The following MAST4 variants were observed in gnomAD, a reference collection of about 807,000 sequenced individuals.
The protein encoded by MAST4 is microtubule-associated serine/threonine-protein kinase 4.
MAST4 carries 89 observed loss-of-function variants against 162.7 expected under a neutral mutation model. The ratio of observed to expected loss-of-function variants is 0.55; its 90% CI spans 0.46 to 0.65. The LOEUF (loss-of-function observed/expected upper bound fraction) is 0.65, where lower values mean the gene tolerates loss of function less well. MAST4 is among the 30% of genes least tolerant of loss of function. MAST4 has a pLI of 0.00. For missense variants in MAST4, 3,153 were observed against 3,374.0 expected, an observed-to-expected ratio of 0.93 and a Z score of 1.62; for synonymous variants, 1,479 against 1,361.1, an observed-to-expected ratio of 1.09 and a Z score of -1.91.
At position 66,986,056 on chromosome 5, in the gene MAST4, A is replaced by G. The variant is rs555150050; in HGVS notation, c.675-68348A>G. ...GACCCATGACCTTCCCTCAAGGAAA[A>G]CAGACAAAAACAGCTGTAATATAAT... is the stretch of plus-strand genomic sequence containing the variant. On this transcript the variant is annotated intron_variant, in intron 4 of 28. Transcript: ENST00000403625. Among the ~76,000 whole-genome samples the G allele has an allele frequency of 1.2e-4, 19 of 152,340 alleles. No homozygotes were observed. In the East Asian group the frequency reaches 1.9e-3, roughly 15 times the overall value.
At chr5:67,145,803 T>G (rs1309549050) in intron 23 of MAST4, among the ~76,000 whole-genome samples, 2 of 152,214 alleles carry the variant, frequency 1.3e-5, no homozygotes, top group Non-Finnish European at 2.9e-5. Flanking sequence ...CTTGAAGATG[T>G]CTTGAATCAC....
chr5:66,791,149 G>A (rs541280467), intron 3 of MAST4, among the ~76,000 whole-genome samples: 17 of 152,242 alleles, frequency 1.1e-4, no homozygotes, highest in Non-Finnish European at 8.8e-5. Flanking sequence ...TCAGCCTCCC[G>A]AGTAGCTGGG....
At chr5:67,034,432 A>G (rs899715730) in intron 4 of MAST4, among the ~76,000 whole-genome samples, 1 of 152,124 alleles carries the variant, frequency 6.6e-6, no homozygotes, top group East Asian at 1.9e-4. Flanking sequence ...AACCCACAAC[A>G]TCCCTTCATT....
chr5:66,637,678 G>C (rs1230308277), intron 1 of MAST4, among the ~76,000 whole-genome samples: 1 of 152,022 alleles, frequency 6.6e-6, no homozygotes, highest in African/African-American at 2.4e-5. Flanking sequence ...TTCTGTTACA[G>C]ATAGAAAGTT....
Position 67,168,137 on chromosome 5 carries a change from A to G in MAST4, c.*1086A>G, listed in dbSNP as rs1774254457. 1 of 152,200 alleles carries G rather than the reference A, an allele frequency of 6.6e-6. No homozygotes were observed. The highest frequency in any genetic ancestry group is 2.4e-5 in the African/African-American group (1 of 41,452). 9.4% of individuals were successfully genotyped at this position (152,200 alleles called of 1,614,324 possible). A position where few individuals can be genotyped will look rare whatever the true frequency, so the allele number is the denominator to read the frequency against. On this transcript the variant is annotated 3_prime_UTR_variant, in exon 29 of 29. Transcript: ENST00000403625. The stretch of plus-strand genomic sequence containing the variant: ...TAAATTTGCTTTTTTGAGGAAAAGA[A>G]CTGGGGGTGGATTTTGGCATCGTAG...
Position 67,142,439 on chromosome 5 carries a change from A to C in MAST4, c.2636A>C (p.His879Pro). 1 of 1,599,702 alleles carries C rather than the reference A, an allele frequency of 6.3e-7. No individual in the cohort carries two copies. Among genetic ancestry groups the C allele is most frequent in the Non-Finnish European group, 8.5e-7 (1 of 1,172,510 alleles). The part of the protein sequence containing the change: ...SYFDTRSEKY[H>P]HMETEEEDDT... The stretch of plus-strand genomic sequence containing the variant: ...ACTGCAGCTCGGTCTGAGAAGTATC[A>C]TCATATGGAAACGGAGGAAGAAGAT... The change falls in exon 21 of 29, where the codon CAT becomes CCT. Residue 879 changes from histidine (H) to proline (P), a missense_variant. Around this residue, in one of 7 missense-constraint regions of MAST4, gnomAD observed 619 missense variants for 744.2 expected, o/e 0.83. Transcript: ENST00000403625.
At chr5:67,008,085 T>C (rs1752252123) in intron 4 of MAST4, among the ~76,000 whole-genome samples, 2 of 152,230 alleles carry the variant, frequency 1.3e-5, no homozygotes. Flanking sequence ...ACATGTTCCA[T>C]TGGAAATAGT....
At position 67,002,663 on chromosome 5, in the gene MAST4, GAAAGGGCTT is replaced by G. The variant is rs1401920596; in HGVS notation, c.675-51739_675-51731del. Among the ~76,000 whole-genome samples the G allele has an allele frequency of 2.0e-5, 3 of 152,280 alleles. No individual in the cohort carries two copies. The East Asian group carries it at 5.8e-4, about 29-fold the overall frequency. On this transcript the variant is annotated intron_variant, in intron 4 of 28. Coordinates refer to ENST00000403625, the MANE Select transcript of MAST4 (RefSeq NM_001164664.2). ...CGCAGTGTGTGTGTAGACATTGCGT[GAAAGGGCTT>G]ATGTATGCCATCTCCTCTTCATTTA...
chr5:66,635,970 TTTTTTC>T (rs1745088831), intron 1 of MAST4, among the ~76,000 whole-genome samples: 5 of 136,328 alleles, frequency 3.7e-5, no homozygotes, highest in African/African-American at 1.5e-4. Flanking sequence ...TTTTTTTTTT[TTTTTTC>T]GAGACAGAGT....
intron 4 of MAST4, among the ~76,000 whole-genome samples, chr5:67,005,658 T>A (rs1357223431): frequency 6.6e-6 from 1 of 152,222 alleles, no homozygotes; most frequent in African/African-American, 2.4e-5. Context: ...GTAACGTATA[T>A]TTGATAGAAA....
rs367941542 is a variant in MAST4, at chr5:67,163,851, G to A, written c.4672G>A (p.Gly1558Arg). The change falls in exon 29 of 29, where the codon GGG becomes AGG. Residue 1558 changes from glycine to arginine, a missense_variant. Around this residue, in one of 7 missense-constraint regions of MAST4, gnomAD observed 1,644 missense variants for 1,495.0 expected, o/e 1.10. Transcript: ENST00000403625. This position sits in a 1 kb window ranked among gnomAD's most constrained non-coding sequence, Gnocchi z 7.0. ...ATCCCACCAGAAATCCCATGGACCC[G>A]GGAGTGATTTGGAAAACTTTGCTCT... ...QESHQKSHGP[G>R]SDLENFALFK... 1.6e-4 allele frequency: 251 copies of A among 1,613,686 alleles called. No homozygotes were observed. Among genetic ancestry groups the A allele is most frequent in the Non-Finnish European group, 2.0e-4 (236 of 1,179,814 alleles).
At chr5:67,123,163 C>T (rs1455130916) in intron 14 of MAST4, among the ~76,000 whole-genome samples, 1 of 152,146 alleles carries the variant, frequency 6.6e-6, no homozygotes, top group Non-Finnish European at 1.5e-5. Context: ...CTTAGGTATC[C>T]ATGTACAGGG....
At chr5:66,619,211 C>T (rs760850336) in intron 1 of MAST4, among the ~76,000 whole-genome samples, 21 of 151,982 alleles carry the variant, frequency 1.4e-4, no homozygotes, top group Non-Finnish European at 2.4e-4. Context: ...GGGGACTTGA[C>T]GGGATGTTTG....
intron 3 of MAST4, among the ~76,000 whole-genome samples, chr5:66,847,371 G>A (rs547022429): frequency 5.3e-5 from 8 of 152,266 alleles, no homozygotes; most frequent in South Asian, 2.1e-4. Flanking sequence ...GGTGGCTCAC[G>A]TCTGTAATCC....
chr5:66,760,077 C>CAATT (rs58766667), intron 2 of MAST4, among the ~76,000 whole-genome samples: 65,309 of 147,058 alleles, frequency 0.44, 15,493 homozygotes, highest in Non-Finnish European at 0.5. Flanking sequence ...ACAATATCCC[C>CAATT]TATTTATTTA....
At chr5:67,071,724 C>T (rs1011444207) in intron 5 of MAST4, among the ~76,000 whole-genome samples, 7 of 152,158 alleles carry the variant, frequency 4.6e-5, no homozygotes, top group Admixed American at 6.5e-5. Flanking sequence ...CGTGCTGCTG[C>T]GCTCCAGCCT....
chr5:66,948,025 G>C (rs1744236913), intron 4 of MAST4, among the ~76,000 whole-genome samples: 1 of 152,130 alleles, frequency 6.6e-6, no homozygotes, highest in Non-Finnish European at 1.5e-5. Context: ...AAAGTGGACT[G>C]TCTCTCTTAT....
chr5:66,711,203 T>C (rs1750477746), intron 1 of MAST4, among the ~76,000 whole-genome samples: 1 of 152,238 alleles, frequency 6.6e-6, no homozygotes, highest in African/African-American at 2.4e-5. Flanking sequence ...GTTATGCCAT[T>C]CTATTATTAT....
chr5:66,858,557 C>T (rs961323862), intron 3 of MAST4, among the ~76,000 whole-genome samples: 1 of 152,164 alleles, frequency 6.6e-6, no homozygotes, highest in Non-Finnish European at 1.5e-5. Context: ...GTGAATCCCA[C>T]ATGATTTAAC....
Sources: allele counts gnomAD v4.1 joint callset (sites outside exome capture counted in the v4.1 genomes callset), GRCh38; gene constraint gnomAD v4.1.1; regional missense constraint gnomAD v4.1.1; non-coding constraint Gnocchi (gnomAD v3.1); transcripts MANE v1.5; gene names NCBI Gene and HGNC (gene_info 2026-07-23, HGNC 2026-07-21).